NFIA: variants seen among roughly 807,000 people sequenced by gnomAD.
NFIA encodes the protein nuclear factor 1 A-type.
NFIA carries 8 observed loss-of-function variants against 62.8 expected under a neutral mutation model. That is an observed-to-expected ratio of 0.13 (90% confidence interval 0.07 to 0.23). The LOEUF is 0.23. NFIA is among the 10% of genes least tolerant of loss of function. The pLI is 1.00. For synonymous variants in NFIA, 235 were observed against 238.1 expected, an observed-to-expected ratio of 0.99 and a Z score of 0.12; for missense variants, 410 against 642.1, an observed-to-expected ratio of 0.64 and a Z score of 3.91.
intron 9 of NFIA, among the ~76,000 whole-genome samples, chr1:61,414,630 C>G (rs1666272529): frequency 6.7e-6 from 1 of 150,200 alleles, no homozygotes; most frequent in Non-Finnish European, 1.5e-5. Context: ...GGTTTCTGTT[C>G]CAGAGAGTGC....
intron 2 of NFIA, among the ~76,000 whole-genome samples, chr1:61,137,749 A>G (rs1414275774): frequency 6.6e-6 from 1 of 152,146 alleles, no homozygotes; most frequent in Non-Finnish European, 1.5e-5. Flanking sequence ...TTCATTGCCC[A>G]TAGTATTAAG....
intron 2 of NFIA, among the ~76,000 whole-genome samples, chr1:61,159,286 G>C (rs1187977351): frequency 6.6e-6 from 1 of 152,158 alleles, no homozygotes; most frequent in Non-Finnish European, 1.5e-5. Flanking sequence ...GTAGTTTTCA[G>C]AGAGTGAGAG....
At chr1:61,238,736 A>G (rs1016703432) in intron 2 of NFIA, among the ~76,000 whole-genome samples, 1 of 152,182 alleles carries the variant, frequency 6.6e-6, no homozygotes, top group Non-Finnish European at 1.5e-5. Context: ...CTAAAAATCA[A>G]TAGCGTGGTC....
chr1:61,144,980 T>G (rs1028499981), intron 2 of NFIA, among the ~76,000 whole-genome samples: 7 of 152,196 alleles, frequency 4.6e-5, no homozygotes, highest in African/African-American at 1.7e-4. Context: ...CTGCTTTTAC[T>G]TCATCCTCAT....
chr1:61,096,843 G>A (rs930568930), intron 2 of NFIA, among the ~76,000 whole-genome samples: 7 of 151,938 alleles, frequency 4.6e-5, no homozygotes, highest in Non-Finnish European at 8.8e-5. Context: ...GAGCCACCGC[G>A]CCTGGCGACA....
chr1:61,241,714 C>G (rs1465773879), intron 2 of NFIA, among the ~76,000 whole-genome samples: 1 of 151,942 alleles, frequency 6.6e-6, no homozygotes, highest in Admixed American at 6.6e-5. Flanking sequence ...CCCGAAGATG[C>G]AAGACTTGGC....
rs60567307 is a variant in NFIA at position 61,430,199 on chromosome 1, AG to A, written c.1512+3644del. ...TCAGAGCAAGTGGACTGTTGATCAG[AG>A]TAATTGTGTGCTGACTGCTCAGAAA... On this transcript the variant is annotated intron_variant, in intron 10 of 10. Coordinates refer to ENST00000403491, the MANE Select transcript of NFIA (RefSeq NM_001134673.4). Among the ~76,000 whole-genome samples, 1,459 of 152,348 alleles carry A rather than the reference AG, an allele frequency of 9.6e-3. 25 individuals are homozygous for A. Among genetic ancestry groups the A allele is most frequent in the African/African-American group, 0.034 (1,409 of 41,570 alleles).
chr1:61,423,996 A>AAT lies in NFIA; in HGVS notation c.1421-2455_1421-2454dup, dbSNP rs923564433. On this transcript the variant is annotated intron_variant, in intron 9 of 10. Transcript: ENST00000403491. ...TAGCTGTTATATATGAATATATATGAATATATATATATATAAATGCAAACC... is the reference window on the plus strand; with the variant it reads ...TAGCTGTTATATATGAATATATATGAATATATATATATATATAAATGCAAACC... 6.7e-4 allele frequency among the ~76,000 whole-genome samples: 100 copies of AAT among 149,832 alleles called. 1 individual carries two copies. The East Asian group carries it at 8.7e-3, about 13-fold the overall frequency.
intron 2 of NFIA, among the ~76,000 whole-genome samples, chr1:61,205,807 C>G (rs965478157): frequency 6.6e-6 from 1 of 151,900 alleles, no homozygotes; most frequent in East Asian, 1.9e-4. Context: ...TGTTTCAGCA[C>G]TGACACAGGT....
chr1:61,371,961 A>AT (rs1323904299), intron 6 of NFIA, among the ~76,000 whole-genome samples: 1 of 152,142 alleles, frequency 6.6e-6, no homozygotes, highest in Non-Finnish European at 1.5e-5. Context: ...GCAAAAGATG[A>AT]TATATAGCTA....
At chr1:61,174,764 T>C (rs1341525022) in intron 2 of NFIA, among the ~76,000 whole-genome samples, 2 of 152,184 alleles carry the variant, frequency 1.3e-5, no homozygotes, top group African/African-American at 4.8e-5. Flanking sequence ...TACATATGCC[T>C]AGGGTAAAAG....
At chr1:61,080,317 CT>C (rs892033570), upstream of NFIA, among the ~76,000 whole-genome samples, 1 of 151,562 alleles carries the variant, frequency 6.6e-6, no homozygotes, top group Admixed American at 6.6e-5. Context: ...CATGCCAGTC[CT>C]TTTTAAAAAA....
chr1:61,449,149 G>A (rs752295319), intron 10 of NFIA, among the ~76,000 whole-genome samples: 3 of 152,182 alleles, frequency 2.0e-5, no homozygotes, highest in Non-Finnish European at 2.9e-5. Context: ...AACTGGCCCC[G>A]CTGCAACAAC....
intron 10 of NFIA, among the ~76,000 whole-genome samples, chr1:61,430,082 G>A (rs1325466713): frequency 6.6e-6 from 1 of 152,192 alleles, no homozygotes; most frequent in Non-Finnish European, 1.5e-5. Context: ...ATGTTACATT[G>A]TGTGTATTTC....
In NFIA at chr1:61,088,876, G is replaced by A. The variant is rs368464210; in HGVS notation, c.559+196G>A. On this transcript the variant is annotated intron_variant, in intron 2 of 10. Coordinates refer to ENST00000403491, the MANE Select transcript of NFIA (RefSeq NM_001134673.4). The surrounding 1 kb of genome is among the most constrained non-coding windows in gnomAD (Gnocchi z 4.5). ...ATAGCTTTGAGCGAATTCTCACTAA[G>A]TTCAGCTCTTTTGGTAAGTAGTGTT... Among the ~76,000 whole-genome samples, 113 of 152,308 alleles carry A rather than the reference G, an allele frequency of 7.4e-4. No homozygotes were observed. The South Asian group carries it at 9.5e-3, about 13-fold the overall frequency.
chr1:61,250,976 C>T (rs1234744587), intron 2 of NFIA: 1 of 152,104 alleles, frequency 6.6e-6, no homozygotes, highest in African/African-American at 2.4e-5. Flanking sequence ...ATGAGAAATC[C>T]ATAGACACAG....
intron 10 of NFIA, among the ~76,000 whole-genome samples, chr1:61,449,179 G>A (rs1024925938): frequency 2.0e-5 from 3 of 152,324 alleles, no homozygotes; most frequent in East Asian, 1.9e-4. Flanking sequence ...GGAACTGCCT[G>A]GAGTGGCTTG....
rs184186062 is a variant in NFIA, at chr1:61,275,611, G to A, written c.560-1909G>A. On this transcript the variant is annotated intron_variant, in intron 2 of 10. Transcript: ENST00000403491. Reference sequence around the variant, plus strand: ...TATTCCAAAGAAAATATTATGTTTGGCAAAATTTTATGTATCTGTTTCGGG... The same window carrying A: ...TATTCCAAAGAAAATATTATGTTTGACAAAATTTTATGTATCTGTTTCGGG... Among the ~76,000 whole-genome samples, 8 of 152,054 alleles carry A rather than the reference G, an allele frequency of 5.3e-5. No individual in the cohort carries two copies. The South Asian group carries it at 6.2e-4, about 12-fold the overall frequency.
chr1:61,445,303 G>A (rs1667758795), intron 10 of NFIA, among the ~76,000 whole-genome samples: 1 of 152,094 alleles, frequency 6.6e-6, no homozygotes, highest in Admixed American at 6.6e-5. Context: ...TCTTCACCTT[G>A]CACAAATCCC....
Sources: gnomAD v4.1 joint callset for allele counts (sites outside exome capture counted in the v4.1 genomes callset) on GRCh38, gnomAD v4.1.1 for gene constraint, Gnocchi (gnomAD v3.1) non-coding constraint, MANE v1.5 for transcripts, NCBI Gene and HGNC (gene_info 2026-07-23, HGNC 2026-07-21) for gene names.